The following AGAP1 variants were observed in gnomAD, a reference collection of about 807,000 sequenced individuals.
The protein encoded by AGAP1 is ArfGAP with GTPase domain, ankyrin repeat and PH domain 1, also known as arf-GAP with GTPase, ANK repeat and PH domain-containing protein 1.
A neutral mutation model predicts 105.3 loss-of-function variants in AGAP1; 29 were observed. The observed-to-expected ratio is 0.28, with a 90% confidence interval of 0.21 to 0.38. The LOEUF (loss-of-function observed/expected upper bound fraction) is 0.38, where lower values mean the gene tolerates loss of function less well. Ranked by LOEUF, AGAP1 falls within the 10% of genes least tolerant of loss-of-function variation. The probability of loss-of-function intolerance (pLI) is 1.00; values close to 1 mark genes in which losing one functional copy is unlikely to be tolerated. For missense variants in AGAP1, 998 were observed against 1,165.1 expected (o/e 0.86, Z 2.09); for synonymous variants, 509 against 485.9 (o/e 1.05, Z -0.63).
intron 16 of AGAP1, among the ~76,000 whole-genome samples, chr2:236,108,575 C>T (rs1431715322): frequency 2.6e-5 from 4 of 152,190 alleles, no homozygotes; most frequent in Non-Finnish European, 5.9e-5. Flanking sequence ...AAGTGGCGGG[C>T]ACACAGACGC....
intron 1 of AGAP1, among the ~76,000 whole-genome samples, chr2:235,657,147 TTCCTCC>T (rs1277144310): frequency 2.0e-5 from 3 of 152,210 alleles, no homozygotes; most frequent in Admixed American, 6.5e-5. Flanking sequence ...GCCTCTGGAC[TTCCTCC>T]TCAGAGACGG....
chr2:235,861,411 C>T (rs2048922745), intron 9 of AGAP1, among the ~76,000 whole-genome samples: 1 of 152,172 alleles, frequency 6.6e-6, no homozygotes, highest in South Asian at 2.1e-4. Flanking sequence ...GTCACAGGCA[C>T]CATTGAAATC....
At chr2:235,755,841 G>A (rs1953881376) in intron 6 of AGAP1, among the ~76,000 whole-genome samples, 1 of 152,210 alleles carries the variant, frequency 6.6e-6, no homozygotes, top group Non-Finnish European at 1.5e-5. Context: ...GTGTGTGTCT[G>A]ACATGGGACT....
chr2:235,899,983 G>T (rs1356055459), intron 10 of AGAP1, among the ~76,000 whole-genome samples: 4 of 152,208 alleles, frequency 2.6e-5, no homozygotes, highest in African/African-American at 9.7e-5. Flanking sequence ...TTTTTGATTT[G>T]TAGTAGAATA....
Position 235,968,568 on chromosome 2 carries a change from A to G in AGAP1, c.1590A>G (p.Arg530=). ...CTCACGCCAACAGAAAGAAGCACCG[A>G]AGGAAGAAAAGCACTAGCAACTTCA... ...PSPHANRKKH[R]RKKSTSNFKA... is the part of the protein sequence containing the mutation. Residue 530 remains arginine (R), a synonymous_variant, in exon 13 of 18, where the codon CGA becomes CGG. Coordinates refer to ENST00000304032, the MANE Select transcript of AGAP1 (RefSeq NM_001037131.3). 7.4e-7 allele frequency: 1 copy of G among 1,355,274 alleles called. No homozygotes were observed. The highest frequency in any genetic ancestry group is 1.2e-5 in the South Asian group (1 of 86,782). The allele number at this position is 1,355,274 out of a possible 1,614,324, so 84.0% of individuals were successfully genotyped here. A position where few individuals can be genotyped will look rare whatever the true frequency, so the allele number is the denominator to read the frequency against.
At chr2:235,702,506 A>G (rs1207001353) in intron 1 of AGAP1, among the ~76,000 whole-genome samples, 3 of 152,148 alleles carry the variant, frequency 2.0e-5, no homozygotes, top group Admixed American at 6.5e-5. Flanking sequence ...TTCCTTGACC[A>G]TAGTCCTTGG....
chr2:235,518,327 A>G (rs1942480044), intron 1 of AGAP1, among the ~76,000 whole-genome samples: 1 of 152,170 alleles, frequency 6.6e-6, no homozygotes, highest in Non-Finnish European at 1.5e-5. Flanking sequence ...TTTCTCCTCC[A>G]CTGACAGTGA....
chr2:235,555,588 G>A lies in AGAP1; in HGVS notation c.163+60739G>A, dbSNP rs13431390. 0.19 allele frequency among the ~76,000 whole-genome samples: 28,447 copies of A among 152,164 alleles called. 3,440 individuals carry two copies. The highest frequency in any genetic ancestry group is 0.33 in the African/African-American group (13,669 of 41,482). On this transcript the variant is annotated intron_variant, in intron 1 of 17. Coordinates refer to ENST00000304032, the MANE Select transcript of AGAP1 (RefSeq NM_001037131.3). This position sits in a 1 kb window ranked among gnomAD's most constrained non-coding sequence, Gnocchi z 5.1. Reference sequence around the variant, plus strand: ...GCAGCAGGAAGAGGTAGTCATGTTTGGAGGCCGGGCTGTGCATGAGCTATG... The same window carrying A: ...GCAGCAGGAAGAGGTAGTCATGTTTAGAGGCCGGGCTGTGCATGAGCTATG...
At chr2:235,823,429 C>T (rs1303491677) in intron 9 of AGAP1, among the ~76,000 whole-genome samples, 1 of 152,124 alleles carries the variant, frequency 6.6e-6, no homozygotes, top group African/African-American at 2.4e-5. Flanking sequence ...AGCCACCACG[C>T]CCAGCTCTAG....
Position 236,113,121 on chromosome 2 carries a change from G to C in AGAP1, c.2115-7071G>C, listed in dbSNP as rs1382216799. Among the ~76,000 whole-genome samples, 2 of 152,130 alleles carry C rather than the reference G, an allele frequency of 1.3e-5. No individual in the cohort carries two copies. The highest frequency in any genetic ancestry group is 2.9e-5 in the Non-Finnish European group (2 of 68,034). ...CACTCTGCCGTCACGTGTGCATCTT[G>C]TTCCACATTAGATATGGAGTTTGTT... On this transcript the variant is annotated intron_variant, in intron 16 of 17. Coordinates refer to ENST00000304032, the MANE Select transcript of AGAP1 (RefSeq NM_001037131.3). This position sits in a 1 kb window ranked among gnomAD's most constrained non-coding sequence, Gnocchi z 4.3.
rs1957036361 is a variant in AGAP1 at position 235,792,451 on chromosome 2, G to A, written c.674-5308G>A. Among the ~76,000 whole-genome samples, 1 of 152,196 alleles carries A rather than the reference G, an allele frequency of 6.6e-6. No individual in the cohort carries two copies. The highest frequency in any genetic ancestry group is 1.5e-5 in the Non-Finnish European group (1 of 68,032). On this transcript the variant is annotated intron_variant, in intron 6 of 17. Transcript: ENST00000304032. This position sits in a 1 kb window ranked among gnomAD's most constrained non-coding sequence, Gnocchi z 5.3. ...AAGAGCCCAGTTTTGCTAAGGAGCT[G>A]TTGAAAAACTGGAAATAGAACAGCG...
At position 235,600,358 on chromosome 2, in the gene AGAP1, C is replaced by G. The variant is rs938359002; in HGVS notation, c.163+105509C>G. On this transcript the variant is annotated intron_variant, in intron 1 of 17. Transcript: ENST00000304032. The surrounding 1 kb of genome is among the most constrained non-coding windows in gnomAD (Gnocchi z 4.8). ...GTGCTGGAAACACTCAGTAGCAACT[C>G]AGGCTCAGGGAGCCCTCACCTGAAG... 8.5e-5 allele frequency among the ~76,000 whole-genome samples: 13 copies of G among 152,146 alleles called. No homozygotes were observed. Among genetic ancestry groups the G allele is most frequent in the East Asian group, 1.9e-4 (1 of 5,184 alleles).
In AGAP1 at chr2:235,789,545, TAA is replaced by T. The variant is rs957243390; in HGVS notation, c.674-8211_674-8210del. On this transcript the variant is annotated intron_variant, in intron 6 of 17. Coordinates refer to ENST00000304032, the MANE Select transcript of AGAP1 (RefSeq NM_001037131.3). The surrounding 1 kb of genome is among the most constrained non-coding windows in gnomAD (Gnocchi z 4.2). ...AGACTTCAGTACTTCAGGAAAAACT[TAA>T]AAGCTTCACTAGAAGAAATTTAAGC... is the stretch of plus-strand genomic sequence containing the variant. Among the ~76,000 whole-genome samples, 3 of 152,178 alleles carry T rather than the reference TAA, an allele frequency of 2.0e-5. No homozygotes were observed. Among genetic ancestry groups the T allele is most frequent in the Non-Finnish European group, 2.9e-5 (2 of 68,038 alleles).
intron 1 of AGAP1, among the ~76,000 whole-genome samples, chr2:235,513,248 G>GGGCGCGGGCGCA (rs991488189): frequency 3.3e-5 from 5 of 151,934 alleles, no homozygotes; most frequent in Non-Finnish European, 7.4e-5. Flanking sequence ...TGCCGGGCGC[G>GGGCGCGGGCGCA]GGTGGCTCAT....
intron 13 of AGAP1, among the ~76,000 whole-genome samples, chr2:236,015,387 A>G (rs993672092): frequency 6.6e-6 from 1 of 151,850 alleles, no homozygotes; most frequent in Non-Finnish European, 1.5e-5. Flanking sequence ...ATGGGCTGCT[A>G]TTTGCTTGTA....
In AGAP1 at chr2:235,690,800, C is replaced by T. The variant is rs1248739616; in HGVS notation, c.164-18379C>T. ...TTCGGGTAAAGTCATTGTGTTTCTTCTTGATTTATTTATTTTTTTCTCCAG... is the reference window on the plus strand; with the variant it reads ...TTCGGGTAAAGTCATTGTGTTTCTTTTTGATTTATTTATTTTTTTCTCCAG... On this transcript the variant is annotated intron_variant, in intron 1 of 17. Transcript: ENST00000304032. The surrounding 1 kb of genome is among the most constrained non-coding windows in gnomAD (Gnocchi z 4.1). Among the ~76,000 whole-genome samples, 1 of 152,098 alleles carries T rather than the reference C, an allele frequency of 6.6e-6. No homozygotes were observed. The highest frequency in any genetic ancestry group is 1.5e-5 in the Non-Finnish European group (1 of 68,022).
rs571709260 is a variant in AGAP1, at chr2:235,744,218, T to C, written c.397-480T>C. 3.3e-3 allele frequency among the ~76,000 whole-genome samples: 499 copies of C among 152,152 alleles called. 4 individuals are homozygous for C. The highest frequency in any genetic ancestry group is 2.8e-3 in the Non-Finnish European group (192 of 68,000). On this transcript the variant is annotated intron_variant, in intron 4 of 17. Coordinates refer to ENST00000304032, the MANE Select transcript of AGAP1 (RefSeq NM_001037131.3). This position sits in a 1 kb window ranked among gnomAD's most constrained non-coding sequence, Gnocchi z 5.2. ...CAACAGAGTAGGCCAGCCGCTGCGG[T>C]AGCGAGTGGGAAGGACTGAGGGGTG...
At position 236,120,492 on chromosome 2, in the gene AGAP1, ACTCT is replaced by A; in HGVS notation, c.2370+48_2370+51del. 1 of 1,607,102 alleles carries A rather than the reference ACTCT, an allele frequency of 6.2e-7. No homozygotes were observed. The highest frequency in any genetic ancestry group is 1.1e-5 in the South Asian group (1 of 90,280). ...GGCAGAGGACGGGGCCACAGGAGGC[ACTCT>A]CTGCTTTGTTCTGCTTCCGTGGGCA... On this transcript the variant is annotated intron_variant, in intron 17 of 17. Coordinates refer to ENST00000304032, the MANE Select transcript of AGAP1 (RefSeq NM_001037131.3). The surrounding 1 kb of genome is among the most constrained non-coding windows in gnomAD (Gnocchi z 6.0).
intron 13 of AGAP1, among the ~76,000 whole-genome samples, chr2:236,006,476 A>G (rs1462806193): frequency 6.6e-6 from 1 of 152,232 alleles, no homozygotes. Context: ...ATGCATATAT[A>G]TCTACAAATA....
Sources: gnomAD v4.1 joint callset for allele counts (sites outside exome capture counted in the v4.1 genomes callset) on GRCh38, gnomAD v4.1.1 for gene constraint, Gnocchi (gnomAD v3.1) non-coding constraint, MANE v1.5 for transcripts, NCBI Gene and HGNC (gene_info 2026-07-23, HGNC 2026-07-21) for gene names.